Variants in CHD7 observed in about 807,000 individuals in gnomAD.
The protein encoded by CHD7 is chromodomain helicase DNA binding protein 7.
Under a neutral mutation model 307.3 loss-of-function variants are expected in CHD7, and 24 were observed. The ratio of observed to expected loss-of-function variants is 0.08; its 90% CI spans 0.06 to 0.11. The LOEUF (loss-of-function observed/expected upper bound fraction) is 0.11, where lower values mean the gene tolerates loss of function less well. CHD7 is among the 10% of genes least tolerant of loss of function. The pLI is 1.00. For synonymous variants in CHD7, 1,363 were observed against 1,349.9 expected (o/e 1.01, Z -0.21); for missense variants, 3,106 against 3,727.1 (o/e 0.83, Z 4.34).
intron 35 of CHD7, chr8:60,861,385 C>A: frequency 2.6e-6 from 1 of 377,508 alleles, no homozygotes. Context: ...TCCCATCAAA[C>A]TCATGTGACT....
intron 3 of CHD7, among the ~76,000 whole-genome samples, chr8:60,791,844 A>G (rs560906423): frequency 1.3e-5 from 2 of 152,294 alleles, no homozygotes; most frequent in South Asian, 2.1e-4. Flanking sequence ...AGGAATGTCG[A>G]TGAAGGCTCT....
At chr8:60,753,742 A>G (rs1477795281) in intron 2 of CHD7, among the ~76,000 whole-genome samples, 3 of 151,498 alleles carry the variant, frequency 2.0e-5, no homozygotes, top group Admixed American at 2.0e-4. Flanking sequence ...CTCCCACCTC[A>G]TCCTCCAGAG....
Position 60,852,831 on chromosome 8 carries a change from C to T in CHD7, c.6106C>T (p.Pro2036Ser). Residue 2036 changes from proline to serine, a missense_variant and splice_region_variant, in exon 31 of 38, where the codon CCG becomes TCG. This residue lies in a region of CHD7 where 1,030 missense variants were observed against 1,165.4 expected (regional missense o/e 0.88). Coordinates refer to ENST00000423902, the MANE Select transcript of CHD7 (RefSeq NM_017780.4). Reference protein sequence around the residue: ...CRMPVKPDDEPPDLSSIIEPI... With the variant: ...CRMPVKPDDESPDLSSIIEPI... ...ATATGAGCCCTTCTGTGTTACAGAA[C>T]CGCCCGACCTCTCCTCCATAATTGA... 1 of 1,611,434 alleles carries T rather than the reference C, an allele frequency of 6.2e-7. No homozygotes were observed. Among genetic ancestry groups the T allele is most frequent in the South Asian group, 1.1e-5 (1 of 91,076 alleles).
At chr8:60,714,655 G>T (rs1179352819) in intron 1 of CHD7, among the ~76,000 whole-genome samples, 2 of 152,092 alleles carry the variant, frequency 1.3e-5, no homozygotes, top group African/African-American at 4.8e-5. Context: ...CACAGGCCAC[G>T]CCCTCTGTTC....
rs547249223 is a variant in CHD7, at chr8:60,786,151, T to A, written c.2096+4721T>A. Among the ~76,000 whole-genome samples, 5 of 152,370 alleles carry A rather than the reference T, an allele frequency of 3.3e-5. No individual in the cohort carries two copies. The South Asian group carries it at 1.0e-3, about 32-fold the overall frequency. The stretch of plus-strand genomic sequence containing the variant: ...TTCAACAAAAGGACCATAGCATCTT[T>A]TAAATCCCGAATCCTTCTTTCCTTT... On this transcript the variant is annotated intron_variant, in intron 3 of 37. Transcript: ENST00000423902.
chr8:60,704,920 G>A (rs987945023), intron 1 of CHD7, among the ~76,000 whole-genome samples: 12 of 152,160 alleles, frequency 7.9e-5, no homozygotes, highest in African/African-American at 2.9e-4. Context: ...AGTCCCTTGT[G>A]TAGTGAAGGG....
intron 34 of CHD7, among the ~76,000 whole-genome samples, chr8:60,860,212 A>C (rs1403579321): frequency 6.6e-6 from 1 of 152,164 alleles, no homozygotes; most frequent in Non-Finnish European, 1.5e-5. Flanking sequence ...GGCTTTTAGA[A>C]ATTCCTTTAG....
chr8:60,682,467 G>C (rs1265354778), intron 1 of CHD7, among the ~76,000 whole-genome samples: 1 of 152,178 alleles, frequency 6.6e-6, no homozygotes, highest in Admixed American at 6.5e-5. Flanking sequence ...TGTGCCTGCT[G>C]TGTAACCCAT....
chr8:60,733,134 C>T (rs1426253780), intron 1 of CHD7, among the ~76,000 whole-genome samples: 3 of 151,934 alleles, frequency 2.0e-5, no homozygotes, highest in African/African-American at 4.8e-5. Flanking sequence ...ACTTGGGAGC[C>T]CGCACTGGGA....
At chr8:60,777,435 A>G (rs1308551834) in intron 2 of CHD7, among the ~76,000 whole-genome samples, 1 of 152,244 alleles carries the variant, frequency 6.6e-6, no homozygotes, top group Non-Finnish European at 1.5e-5. Flanking sequence ...ATAGCTTTTT[A>G]AGCCAGAAAA....
chr8:60,735,307 A>G (rs1035083881), intron 1 of CHD7, among the ~76,000 whole-genome samples: 6 of 152,198 alleles, frequency 3.9e-5, no homozygotes, highest in Non-Finnish European at 7.3e-5. Flanking sequence ...GCGTTGCCCT[A>G]TACGATGTCA....
chr8:60,689,422 GAAT>G (rs576516479), intron 1 of CHD7, among the ~76,000 whole-genome samples: 141 of 152,292 alleles, frequency 9.3e-4, no homozygotes, highest in Middle Eastern at 6.8e-3. Flanking sequence ...GCTGAGGTAG[GAAT>G]AATAATTGCT....
chr8:60,836,919 G>C lies in CHD7; in HGVS notation c.4092G>C (p.Leu1364=). 1 of 1,613,758 alleles carries C rather than the reference G, an allele frequency of 6.2e-7. No individual in the cohort carries two copies. Among genetic ancestry groups the C allele is most frequent in the Non-Finnish European group, 8.5e-7 (1 of 1,179,814 alleles). The part of the protein sequence containing the change: ...KPDSDRFVFL[L]CTRAGGLGIN... ...ATTCTGATAGGTTTGTTTTCCTCCTGTGTACAAGGGCAGGAGGTTTAGGCA... is the reference window on the plus strand; with the variant it reads ...ATTCTGATAGGTTTGTTTTCCTCCTCTGTACAAGGGCAGGAGGTTTAGGCA... Residue 1364 remains leucine, a synonymous_variant, in exon 17 of 38, where the codon CTG becomes CTC. Transcript: ENST00000423902.
chr8:60,723,993 T>C (rs1194660694), intron 1 of CHD7, among the ~76,000 whole-genome samples: 1 of 152,250 alleles, frequency 6.6e-6, no homozygotes, highest in Non-Finnish European at 1.5e-5. Context: ...TGCCACTGAC[T>C]GGCTGGGTGG....
intron 15 of CHD7, among the ~76,000 whole-genome samples, chr8:60,835,827 T>A (rs1374045932): frequency 2.0e-5 from 3 of 152,230 alleles, no homozygotes; most frequent in African/African-American, 7.2e-5. Flanking sequence ...AGCAAACATT[T>A]GTTTGTTGAA....
intron 2 of CHD7, among the ~76,000 whole-genome samples, chr8:60,778,966 C>G (rs1811077633): frequency 6.6e-6 from 1 of 151,932 alleles, no homozygotes; most frequent in South Asian, 2.1e-4. Context: ...TTGTGTTATC[C>G]CTGCATGGAA....
intron 9 of CHD7, 87 bp from the exon 10 acceptor site, chr8:60,821,703 T>C: frequency 2.7e-6 from 3 of 1,115,686 alleles, no homozygotes; most frequent in Non-Finnish European, 3.7e-6. Context: ...CATATCTATA[T>C]GTATAAACAT....
rs1241822749 is a variant in CHD7 at position 60,845,248 on chromosome 8, A to T, written c.5051-2A>T. On this transcript the variant is annotated splice_acceptor_variant, in intron 22 of 37. Transcript: ENST00000423902. LOFTEE classifies it high-confidence loss of function. ...CTATTATTATTATGATGGTGATTCTAGGTTTGTCAGCTCCTGTGCCAAGGG... is the reference window on the plus strand; with the variant it reads ...CTATTATTATTATGATGGTGATTCTTGGTTTGTCAGCTCCTGTGCCAAGGG... 6.2e-7 allele frequency: 1 copy of T among 1,607,504 alleles called. No homozygotes were observed. The highest frequency in any genetic ancestry group is 8.5e-7 in the Non-Finnish European group (1 of 1,175,410).
intron 3 of CHD7, 52 bp downstream of exon 3, chr8:60,781,482 A>G: frequency 6.8e-7 from 1 of 1,477,022 alleles, no homozygotes; most frequent in Non-Finnish European, 8.9e-7. Context: ...TACAGAAATT[A>G]GCGCCAAATA....
Sources: allele counts gnomAD v4.1 joint callset (sites outside exome capture counted in the v4.1 genomes callset), GRCh38; gene constraint gnomAD v4.1.1; regional missense constraint gnomAD v4.1.1; transcripts MANE v1.5; gene names NCBI Gene and HGNC (gene_info 2026-07-23, HGNC 2026-07-21).